Variants in DSCAM observed in about 807,000 individuals in gnomAD.
DSCAM encodes the protein DS cell adhesion molecule.
Under a neutral mutation model 217.7 loss-of-function variants are expected in DSCAM, and 47 were observed. The ratio of observed to expected loss-of-function variants is 0.22; its 90% CI spans 0.17 to 0.28. The LOEUF (loss-of-function observed/expected upper bound fraction) is 0.28, where lower values mean the gene tolerates loss of function less well. Ranked by LOEUF, DSCAM falls within the 10% of genes least tolerant of loss-of-function variation. The probability of loss-of-function intolerance (pLI) is 1.00; values close to 1 mark genes in which losing one functional copy is unlikely to be tolerated. For missense variants in DSCAM, 2,080 were observed against 2,618.3 expected (o/e 0.79, Z 4.49); for synonymous variants, 1,056 against 1,015.3 (o/e 1.04, Z -0.76).
At chr21:40,036,929 G>T (rs1477561081) in intron 32 of DSCAM, among the ~76,000 whole-genome samples, 1 of 150,630 alleles carries the variant, frequency 6.6e-6, no homozygotes, top group Non-Finnish European at 1.5e-5. Context: ...ATGATTATCT[G>T]CATAGATGCA....
intron 3 of DSCAM, among the ~76,000 whole-genome samples, chr21:40,415,693 C>T (rs1010785520): frequency 6.6e-6 from 1 of 152,164 alleles, no homozygotes; most frequent in Non-Finnish European, 1.5e-5. Context: ...AGATCTCACA[C>T]CCTGGCAAGG....
chr21:40,338,367 C>T lies in DSCAM; in HGVS notation c.1517G>A (p.Ser506Asn). 2 of 1,612,602 alleles carry T rather than the reference C, an allele frequency of 1.2e-6. No homozygotes were observed. The highest frequency in any genetic ancestry group is 8.5e-7 in the Non-Finnish European group (1 of 1,178,708). The change falls in exon 8 of 33, where the codon AGC becomes AAC. Residue 506 changes from serine (S) to asparagine (N), a missense_variant. Transcript: ENST00000400454. ...TGTGATGTTTTTCATTGGTCGAATG[C>T]TTGCAGGCCCTGGAGAGACACAAAG... ...QARINVRGPA[S>N]IRPMKNITAI...
intron 10 of DSCAM, among the ~76,000 whole-genome samples, 155 bp downstream of exon 10, chr21:40,295,900 A>G (rs1285041946): frequency 6.6e-6 from 1 of 152,242 alleles, no homozygotes; most frequent in Non-Finnish European, 1.5e-5. Flanking sequence ...TAGGTGGACA[A>G]CTAGGAATGT....
intron 8 of DSCAM, among the ~76,000 whole-genome samples, chr21:40,314,382 T>C (rs1401546791): frequency 2.6e-5 from 4 of 152,186 alleles, no homozygotes; most frequent in Non-Finnish European, 5.9e-5. Flanking sequence ...GGATTCTCCA[T>C]GTAAAGTTAG....
intron 30 of DSCAM, among the ~76,000 whole-genome samples, chr21:40,051,564 T>C (rs950682777): frequency 3.3e-5 from 5 of 152,212 alleles, no homozygotes; most frequent in East Asian, 3.8e-4. Flanking sequence ...GAGGCTATGA[T>C]ACCTGCTTCA....
At chr21:40,513,180 A>C (rs1232774015) in intron 3 of DSCAM, 1 of 152,116 alleles carries the variant, frequency 6.6e-6, no homozygotes, top group Non-Finnish European at 1.5e-5. Context: ...GGATTCTTAC[A>C]TCGACTGCAT....
chr21:40,438,133 T>C (rs931827857), intron 3 of DSCAM, among the ~76,000 whole-genome samples: 1 of 152,220 alleles, frequency 6.6e-6, no homozygotes, highest in Non-Finnish European at 1.5e-5. Flanking sequence ...TATTCTGCCA[T>C]AGACTGTGTG....
chr21:40,604,346 C>T (rs1601781485), intron 3 of DSCAM, among the ~76,000 whole-genome samples: 1 of 152,154 alleles, frequency 6.6e-6, no homozygotes, highest in South Asian at 2.1e-4. Context: ...TTGTCATCTA[C>T]TTTTCCTATT....
At chr21:40,392,809 C>A (rs2837611) in intron 3 of DSCAM, among the ~76,000 whole-genome samples, 61,252 of 151,994 alleles carry the variant, frequency 0.4, 13,808 homozygotes, top group South Asian at 0.62. Context: ...GCAATGTCCA[C>A]AACTCAGTGA....
At chr21:40,420,834 C>T (rs2075417103) in intron 3 of DSCAM, among the ~76,000 whole-genome samples, 1 of 152,120 alleles carries the variant, frequency 6.6e-6, no homozygotes, top group South Asian at 2.1e-4. Flanking sequence ...AAGCTACGAT[C>T]AAGGAATGGA....
chr21:40,810,029 C>T (rs1029728550), intron 1 of DSCAM, among the ~76,000 whole-genome samples: 25 of 152,202 alleles, frequency 1.6e-4, no homozygotes, highest in African/African-American at 5.8e-4. Flanking sequence ...GCCGTCCCCA[C>T]CACCTGCTGC....
At chr21:40,603,667 G>T (rs974868918) in intron 3 of DSCAM, among the ~76,000 whole-genome samples, 2 of 151,762 alleles carry the variant, frequency 1.3e-5, no homozygotes, top group African/African-American at 4.8e-5. Context: ...CTTCACTTTT[G>T]AAGAAACATT....
At chr21:40,348,433 C>T (rs2123628997) in intron 5 of DSCAM, among the ~76,000 whole-genome samples, 1 of 152,246 alleles carries the variant, frequency 6.6e-6, no homozygotes, top group East Asian at 1.9e-4. Flanking sequence ...CACATTATTG[C>T]AATCATACCC....
chr21:40,496,527 T>C (rs141897418), intron 3 of DSCAM, among the ~76,000 whole-genome samples: 335 of 152,198 alleles, frequency 2.2e-3, no homozygotes, highest in African/African-American at 7.6e-3. Flanking sequence ...CAACTCAAAA[T>C]GGATTAAACA....
At chr21:40,151,349 C>G (rs2090421449) in intron 16 of DSCAM, among the ~76,000 whole-genome samples, 1 of 152,132 alleles carries the variant, frequency 6.6e-6, no homozygotes, top group African/African-American at 2.4e-5. Context: ...CCTTCTCCCT[C>G]CCTGGTCTCC....
intron 3 of DSCAM, among the ~76,000 whole-genome samples, chr21:40,415,777 C>T (rs1424089376): frequency 6.6e-6 from 1 of 152,122 alleles, no homozygotes; most frequent in Non-Finnish European, 1.5e-5. Flanking sequence ...TCTTCTCATC[C>T]TTATACACTG....
chr21:40,378,363 AG>A (rs2074983916), intron 3 of DSCAM, among the ~76,000 whole-genome samples: 1 of 152,092 alleles, frequency 6.6e-6, no homozygotes, highest in Non-Finnish European at 1.5e-5. Context: ...AAACCTCTAT[AG>A]GTGGGCATGT....
At chr21:40,355,034 GA>G (rs1390981218) in intron 4 of DSCAM, among the ~76,000 whole-genome samples, 7 of 152,124 alleles carry the variant, frequency 4.6e-5, no homozygotes, top group African/African-American at 1.4e-4. Context: ...ACTAAAGGGA[GA>G]GTGGTGGATG....
At chr21:40,559,743 C>T (rs545844054) in intron 3 of DSCAM, among the ~76,000 whole-genome samples, 1 of 150,988 alleles carries the variant, frequency 6.6e-6, no homozygotes, top group South Asian at 2.1e-4. Context: ...AACTTTTTTT[C>T]CCTCTCTGTA....
Sources: gnomAD v4.1 joint callset for allele counts (sites outside exome capture counted in the v4.1 genomes callset) on GRCh38, gnomAD v4.1.1 for gene constraint, MANE v1.5 for transcripts, NCBI Gene and HGNC (gene_info 2026-07-23, HGNC 2026-07-21) for gene names.